The following VWC2 variants were observed in gnomAD, a reference collection of about 807,000 sequenced individuals.
VWC2 encodes the protein von Willebrand factor C domain containing 2.
Under a neutral mutation model 29.8 loss-of-function variants are expected in VWC2, and 14 were observed. The observed-to-expected ratio is 0.47, with a 90% CI of 0.31 to 0.74. VWC2 has a LOEUF of 0.74. Ranked by LOEUF, VWC2 falls within the 30% of genes least tolerant of loss-of-function variation. The pLI, the probability that VWC2 is intolerant of heterozygous loss-of-function variation, is 0.05. For synonymous variants in VWC2, 213 were observed against 199.0 expected (o/e 1.07, Z -0.59); for missense variants, 457 against 459.8 (o/e 0.99, Z 0.05).
At chr7:49,788,956 T>A (rs1788379514) in intron 2 of VWC2, among the ~76,000 whole-genome samples, 1 of 147,148 alleles carries the variant, frequency 6.8e-6, no homozygotes, top group African/African-American at 2.5e-5. Context: ...TGGGTGCATG[T>A]GTGTGCATGA....
chr7:49,847,201 G>T (rs971928814), intron 3 of VWC2, among the ~76,000 whole-genome samples: 1 of 149,852 alleles, frequency 6.7e-6, no homozygotes, highest in Non-Finnish European at 1.5e-5. Flanking sequence ...ACACAAAAAT[G>T]TGTGAACCTA....
intron 3 of VWC2, among the ~76,000 whole-genome samples, chr7:49,873,555 G>C (rs1055508397): frequency 1.3e-5 from 2 of 152,194 alleles, no homozygotes; most frequent in Non-Finnish European, 2.9e-5. Context: ...GTAAAGAAAT[G>C]ATGGTGCACA....
At chr7:49,838,213 G>A (rs1027741201) in intron 3 of VWC2, among the ~76,000 whole-genome samples, 6 of 152,208 alleles carry the variant, frequency 3.9e-5, no homozygotes, top group African/African-American at 7.2e-5. Context: ...CCTCAGTAAC[G>A]TAAGTACATG....
chr7:49,849,389 T>C (rs1191498490), intron 3 of VWC2, among the ~76,000 whole-genome samples: 1 of 152,212 alleles, frequency 6.6e-6, no homozygotes, highest in East Asian at 1.9e-4. Flanking sequence ...TTGCTGTGTG[T>C]CCTGCCACTG....
At chr7:49,842,074 C>T (rs531961499) in intron 3 of VWC2, among the ~76,000 whole-genome samples, 2 of 152,164 alleles carry the variant, frequency 1.3e-5, no homozygotes, top group African/African-American at 4.8e-5. Flanking sequence ...CACCATGTTG[C>T]CCAGGCTGGT....
intron 3 of VWC2, among the ~76,000 whole-genome samples, chr7:49,911,738 AT>A (rs765228671): frequency 6.6e-6 from 1 of 151,744 alleles, no homozygotes; most frequent in Non-Finnish European, 1.5e-5. Flanking sequence ...TTCTACAAAA[AT>A]TACAAAAACT....
chr7:49,822,640 T>C (rs527381340), intron 3 of VWC2, among the ~76,000 whole-genome samples: 2 of 152,290 alleles, frequency 1.3e-5, no homozygotes, highest in East Asian at 1.9e-4. Context: ...GATTTCACCA[T>C]GTTGGCCAGG....
At chr7:49,885,519 T>C (rs1226511553) in intron 3 of VWC2, among the ~76,000 whole-genome samples, 1 of 152,198 alleles carries the variant, frequency 6.6e-6, no homozygotes, top group Non-Finnish European at 1.5e-5. Flanking sequence ...GTTATATAAT[T>C]AGGATTTTTT....
At chr7:49,836,187 T>C (rs556665124) in intron 3 of VWC2, among the ~76,000 whole-genome samples, 1 of 152,344 alleles carries the variant, frequency 6.6e-6, no homozygotes, top group Admixed American at 6.5e-5. Context: ...ATTCAATCAA[T>C]AATTGTATTC....
intron 3 of VWC2, among the ~76,000 whole-genome samples, chr7:49,818,295 A>G (rs763545607): frequency 6.6e-6 from 1 of 152,218 alleles, no homozygotes; most frequent in Non-Finnish European, 1.5e-5. Context: ...AACACTAAAA[A>G]TCTATTATTC....
intron 3 of VWC2, among the ~76,000 whole-genome samples, chr7:49,908,980 A>G (rs1203571257): frequency 1.3e-5 from 2 of 152,244 alleles, no homozygotes; most frequent in Non-Finnish European, 2.9e-5. Context: ...TTGCCCTGAC[A>G]TAGAAAGATT....
intron 3 of VWC2, chr7:49,901,276 T>G (rs1187864496): frequency 6.6e-6 from 1 of 151,762 alleles, no homozygotes; most frequent in Admixed American, 6.6e-5. Context: ...GAAATAAAAC[T>G]GTCTTTGTTT....
rs1427274787 is a variant in VWC2, at chr7:49,786,749, TATC to T, written c.696+10621_696+10623del. On this transcript the variant is annotated intron_variant, in intron 2 of 3. Coordinates refer to ENST00000340652, the MANE Select transcript of VWC2 (RefSeq NM_198570.5). ...TGATGATCAGTGATGTTGAGCATGT[TATC>T]ATATGCTTGTTGGCTGCTTGTTTGT... Among the ~76,000 whole-genome samples the T allele has an allele frequency of 1.1e-4, 16 of 152,242 alleles. 1 individual carries two copies. The highest frequency in any genetic ancestry group is 1.6e-4 in the Non-Finnish European group (11 of 68,048).
At chr7:49,857,149 A>T (rs779096731) in intron 3 of VWC2, among the ~76,000 whole-genome samples, 1 of 152,082 alleles carries the variant, frequency 6.6e-6, no homozygotes, top group Non-Finnish European at 1.5e-5. Context: ...TATCTTGCAT[A>T]ACTGAAACTT....
At chr7:49,788,484 GGTGT>G (rs1179709607) in intron 2 of VWC2, among the ~76,000 whole-genome samples, 20 of 150,574 alleles carry the variant, frequency 1.3e-4, no homozygotes, top group African/African-American at 4.9e-4. Context: ...AGAGTGTGTG[GGTGT>G]GTAAGACAGT....
At position 49,875,703 on chromosome 7, in the gene VWC2, T is replaced by C. The variant is rs183193834; in HGVS notation, c.827-36331T>C. 2.6e-4 allele frequency among the ~76,000 whole-genome samples: 40 copies of C among 152,202 alleles called. No homozygotes were observed. The East Asian group carries it at 7.5e-3, about 29-fold the overall frequency. Reference sequence around the variant, plus strand: ...CTCTTTGCAATGAGGGTAATAACAGTGTCTGATGGAGTGGCATGAGAATTA... The same window carrying C: ...CTCTTTGCAATGAGGGTAATAACAGCGTCTGATGGAGTGGCATGAGAATTA... On this transcript the variant is annotated intron_variant, in intron 3 of 3. Coordinates refer to ENST00000340652, the MANE Select transcript of VWC2 (RefSeq NM_198570.5).
intron 3 of VWC2, among the ~76,000 whole-genome samples, chr7:49,901,838 T>G (rs1321112201): frequency 7.0e-6 from 1 of 142,372 alleles, no homozygotes; most frequent in Admixed American, 7.7e-5. Context: ...TGGAACAGAA[T>G]AGAGAGCCCA....
intron 3 of VWC2, among the ~76,000 whole-genome samples, chr7:49,876,818 A>G (rs1791431655): frequency 6.6e-6 from 1 of 151,912 alleles, no homozygotes; most frequent in African/African-American, 2.4e-5. Flanking sequence ...ACAGTCGTGG[A>G]GTTGCTTTAT....
rs1267281005 is a variant in VWC2 at position 49,918,409 on chromosome 7, T to G, written c.*6224T>G. On this transcript the variant is annotated 3_prime_UTR_variant, in exon 4 of 4. Coordinates refer to ENST00000340652, the MANE Select transcript of VWC2 (RefSeq NM_198570.5). ...GATAATGAATAGCAACACTGATCCC[T>G]AATTCTAGAATATCAATCTTGATAC... is the stretch of plus-strand genomic sequence containing the variant. 2.0e-5 allele frequency: 3 copies of G among 152,224 alleles called. No homozygotes were observed. Among genetic ancestry groups the G allele is most frequent in the Non-Finnish European group, 4.4e-5 (3 of 68,030 alleles). The allele number at this position is 152,224 out of a possible 1,614,324, so 9.4% of individuals were successfully genotyped here. A position where few individuals can be genotyped will look rare whatever the true frequency, so the allele number is the denominator to read the frequency against.
Sources: gnomAD v4.1 joint callset for allele counts (sites outside exome capture counted in the v4.1 genomes callset) on GRCh38, gnomAD v4.1.1 for gene constraint, MANE v1.5 for transcripts, NCBI Gene and HGNC (gene_info 2026-07-23, HGNC 2026-07-21) for gene names.